Variants in VRK3 observed in about 807,000 individuals in gnomAD.
VRK3 encodes the protein serine/threonine-protein kinase VRK3.
In VRK3, 50 loss-of-function variants were observed where a neutral mutation model predicts 60.4. The ratio of observed to expected loss-of-function variants is 0.83; its 90% confidence interval spans 0.66 to 1.05. The LOEUF is 1.05. Among genes scored for constraint, VRK3 ranks in the 50% least tolerant of loss-of-function variants. The probability of loss-of-function intolerance (pLI) is 0.00; values close to 1 mark genes in which losing one functional copy is unlikely to be tolerated. For missense variants in VRK3, 549 were observed against 585.3 expected (o/e 0.94, Z 0.64); for synonymous variants, 246 against 227.8 (o/e 1.08, Z -0.72).
intron 12 of VRK3, chr19:49,982,328 G>C: frequency 1.5e-6 from 1 of 651,776 alleles, no homozygotes; most frequent in East Asian, 2.8e-5. Context: ...ATGCTAGGTG[G>C]CTGTTTGATT....
chr19:49,986,755 A>G (rs1196023874), intron 12 of VRK3: 1 of 152,214 alleles, frequency 6.6e-6, no homozygotes, highest in Non-Finnish European at 1.5e-5. Flanking sequence ...TTCCCACTCT[A>G]TATGCCTTCC....
rs987897369 is a variant in VRK3, at chr19:50,004,374, C to T, written c.547+3195G>A. ...CCCTTTCTCCTCCCTCTGTGCTCCTCGGCCCCTCATTCCTTCTCATCATGA... is the reference window on the plus strand; with the variant it reads ...CCCTTTCTCCTCCCTCTGTGCTCCTTGGCCCCTCATTCCTTCTCATCATGA... On this transcript the variant is annotated intron_variant, in intron 5 of 14. Coordinates refer to ENST00000316763, the MANE Select transcript of VRK3 (RefSeq NM_016440.4). Among the ~76,000 whole-genome samples, 6 of 152,050 alleles carry T rather than the reference C, an allele frequency of 3.9e-5. No individual in the cohort carries two copies. The East Asian group carries it at 7.7e-4, about 20-fold the overall frequency.
chr19:50,019,702 TTTTTTTTTTTTA>T (rs2077139102), intron 2 of VRK3, among the ~76,000 whole-genome samples: 2 of 104,816 alleles, frequency 1.9e-5, no homozygotes, highest in African/African-American at 4.9e-5. Context: ...TTTTTTTTTT[TTTTTTTTTTTTA>T]CTTTTTGTAG....
intron 7 of VRK3, among the ~76,000 whole-genome samples, chr19:49,996,773 C>T (rs914893493): frequency 6.6e-6 from 1 of 152,002 alleles, no homozygotes; most frequent in Admixed American, 6.5e-5. Context: ...CACGCCACCA[C>T]GCCTGGCTAA....
chr19:49,992,943 G>T lies in VRK3; in HGVS notation c.880C>A (p.Leu294Met). The change falls in exon 10 of 15, where the codon CTG (leucine) becomes ATG (methionine). Residue 294 changes from leucine to methionine, a missense_variant. By Grantham distance (15) the Leu-to-Met change is conservative. Transcript: ENST00000316763. ...LQVACRLLDA[L>M]EFLHENEYVH... ...TACTCATTCTCATGGAGGAACTCCA[G>T]GGCATCCAGCTGGGGGAAGAAGCAA... is the stretch of plus-strand genomic sequence containing the variant. The T allele has an allele frequency of 3.7e-6, 6 of 1,612,310 alleles. No individual in the cohort carries two copies. Among genetic ancestry groups the T allele is most frequent in the Non-Finnish European group, 3.4e-6 (4 of 1,179,988 alleles).
chr19:49,993,854 T>G (rs904014636), intron 9 of VRK3, among the ~76,000 whole-genome samples: 1 of 152,054 alleles, frequency 6.6e-6, no homozygotes, highest in Admixed American at 6.6e-5. Flanking sequence ...CTCAGCCTTG[T>G]CCTCTCCCAC....
chr19:50,000,923 T>C, intron 5 of VRK3, 69 bp from the exon 6 acceptor site: 2 of 1,462,236 alleles, frequency 1.4e-6, no homozygotes, highest in Non-Finnish European at 1.9e-6. Context: ...TCCCCAAACT[T>C]CCCAGCAATG....
intron 12 of VRK3, chr19:49,981,964 A>G (rs1343505823): frequency 1.6e-5 from 10 of 644,448 alleles, no homozygotes; most frequent in Non-Finnish European, 8.0e-6. Context: ...GCATCCGCAC[A>G]GTTCAGTGGA....
At chr19:49,979,034 C>G in intron 14 of VRK3, 49 bp downstream of exon 14, 3 of 1,533,052 alleles carry the variant, frequency 2.0e-6, no homozygotes, top group Non-Finnish European at 1.8e-6. Flanking sequence ...GGGCAGGGCT[C>G]GGGTGAGGGC....
intron 11 of VRK3, 135 bp from the exon 12 acceptor site, chr19:49,988,627 T>A (rs2076558886): frequency 1.6e-6 from 2 of 1,226,364 alleles, no homozygotes; most frequent in Non-Finnish European, 2.2e-6. Flanking sequence ...CCATATGGGC[T>A]GTCTCCTCCG....
At chr19:49,991,535 G>GCACACACA (rs72395603) in intron 10 of VRK3, among the ~76,000 whole-genome samples, 2 of 149,654 alleles carry the variant, frequency 1.3e-5, no homozygotes, top group Admixed American at 1.3e-4. Context: ...ACACACACAC[G>GCACACACA]CACACACACA....
Position 49,989,683 on chromosome 19 carries a change from T to A in VRK3, c.1052A>T (p.Glu351Val). The A allele has an allele frequency of 6.2e-7, 1 of 1,613,794 alleles. No homozygotes were observed. Among genetic ancestry groups the A allele is most frequent in the Non-Finnish European group, 8.5e-7 (1 of 1,179,814 alleles). ...AYVEGSRSPH[E>V]GDLEFISMDL... ...CATGCTAATGAACTCAAGGTCCCCC[T>A]CGTGAGGGCTCCTGCTGCCTTCCAC... The change falls in exon 11 of 15, where the codon GAG (glutamate) becomes GTG (valine). Residue 351 changes from glutamate (E) to valine (V), a missense_variant. Physicochemically the swap from Glu to Val is moderately radical, Grantham distance 121. Transcript: ENST00000316763.
At chr19:50,005,753 G>A (rs2076880163) in intron 5 of VRK3, among the ~76,000 whole-genome samples, 1 of 149,650 alleles carries the variant, frequency 6.7e-6, no homozygotes, top group South Asian at 2.1e-4. Context: ...GCCGCTGGGT[G>A]AGGGATGCCA....
intron 9 of VRK3, among the ~76,000 whole-genome samples, 189 bp downstream of exon 9, chr19:49,994,625 A>G (rs1052334259): frequency 6.6e-6 from 1 of 152,196 alleles, no homozygotes; most frequent in Non-Finnish European, 1.5e-5. Flanking sequence ...TGGCCCCCCA[A>G]GGGCCCTCCA....
intron 12 of VRK3, among the ~76,000 whole-genome samples, chr19:49,987,313 A>G (rs11879641): frequency 0.052 from 7,948 of 151,970 alleles, 674 homozygotes; most frequent in African/African-American, 0.18. Flanking sequence ...CCACATCCCT[A>G]GCACTTCCCT....
chr19:49,987,737 C>T (rs956709578), intron 12 of VRK3: 1 of 139,254 alleles, frequency 7.2e-6, no homozygotes, highest in Non-Finnish European at 1.5e-5. Flanking sequence ...GAGTCTCGCT[C>T]TGTCGCCCAG....
intron 3 of VRK3, among the ~76,000 whole-genome samples, chr19:50,014,533 C>A (rs1186764620): frequency 6.6e-6 from 1 of 151,092 alleles, no homozygotes; most frequent in Non-Finnish European, 1.5e-5. Context: ...GCCAAGATTG[C>A]GCCACTGCAC....
chr19:49,992,954 T>A lies in VRK3; in HGVS notation c.871-2A>T. On this transcript the variant is annotated splice_acceptor_variant, in intron 9 of 14. Coordinates refer to ENST00000316763, the MANE Select transcript of VRK3 (RefSeq NM_016440.4). LOFTEE classifies it high-confidence loss of function. Reference sequence around the variant, plus strand: ...ATGGAGGAACTCCAGGGCATCCAGCTGGGGGAAGAAGCAAGTCAGTGTCTG... The same window carrying A: ...ATGGAGGAACTCCAGGGCATCCAGCAGGGGGAAGAAGCAAGTCAGTGTCTG... 1 of 1,611,200 alleles carries A rather than the reference T, an allele frequency of 6.2e-7. No individual in the cohort carries two copies. The highest frequency in any genetic ancestry group is 8.5e-7 in the Non-Finnish European group (1 of 1,179,940).
chr19:49,999,454 T>A (rs2076762786), intron 6 of VRK3: 1 of 152,346 alleles, frequency 6.6e-6, no homozygotes, highest in Non-Finnish European at 1.5e-5. Context: ...TCTCTGCAGA[T>A]GTCCCCAGCA....
Sources: allele counts gnomAD v4.1 joint callset (sites outside exome capture counted in the v4.1 genomes callset), GRCh38; gene constraint gnomAD v4.1.1; transcripts MANE v1.5; gene names NCBI Gene and HGNC (gene_info 2026-07-23, HGNC 2026-07-21).